SLC25A3: variants seen among roughly 807,000 people sequenced by gnomAD.
SLC25A3 encodes phosphate transport protein.
Under a neutral mutation model 37.1 loss-of-function variants are expected in SLC25A3, and 14 were observed. The observed-to-expected ratio is 0.38, with a 90% CI of 0.25 to 0.59. The LOEUF (loss-of-function observed/expected upper bound fraction) is 0.59, where lower values mean the gene tolerates loss of function less well. Ranked by LOEUF, SLC25A3 falls within the 20% of genes least tolerant of loss-of-function variation. SLC25A3 has a pLI of 0.67. For synonymous variants in SLC25A3, 161 were observed against 168.7 expected, an observed-to-expected ratio of 0.95 and a Z score of 0.36; for missense variants, 385 against 458.1, an observed-to-expected ratio of 0.84 and a Z score of 1.46.
Position 98,604,266 on chromosome 12 carries a change from ATATATATATATATAT to A in SLC25A3, c.*2739_*2753del, listed in dbSNP as rs2097600049. The A allele has an allele frequency of 2.5e-5, 2 of 79,722 alleles. No individual in the cohort carries two copies. The highest frequency in any genetic ancestry group is 5.6e-5 in the Non-Finnish European group (2 of 35,908). 4.9% of individuals were successfully genotyped at this position (79,722 alleles called of 1,614,324 possible). A position where few individuals can be genotyped will look rare whatever the true frequency, so the allele number is the denominator to read the frequency against. On this transcript the variant is annotated 3_prime_UTR_variant, in exon 8 of 8. Transcript: ENST00000552981. ...AAACTCTGTCTCAAAAAAAAAAAAT[ATATATATATATATAT>A]ATATATGAAGCTGATAGTTGAATTA...
intron 6 of SLC25A3, among the ~76,000 whole-genome samples, chr12:98,600,375 C>T (rs1413639039): frequency 6.6e-6 from 1 of 151,528 alleles, no homozygotes; most frequent in Non-Finnish European, 1.5e-5. Context: ...GTAGCTGGGA[C>T]GGGCATGCAC....
Position 98,601,859 on chromosome 12 carries a change from T to C in SLC25A3, c.*331T>C. The C allele has an allele frequency of 3.9e-6, 1 of 259,300 alleles. No homozygotes were observed. The highest frequency in any genetic ancestry group is 4.8e-5 in the South Asian group (1 of 20,670). 16.1% of individuals were successfully genotyped at this position (259,300 alleles called of 1,614,324 possible). A position where few individuals can be genotyped will look rare whatever the true frequency, so the allele number is the denominator to read the frequency against. On this transcript the variant is annotated 3_prime_UTR_variant, in exon 8 of 8. Transcript: ENST00000552981. ...TCCAGTTGCTATTCAGAAATTGTCA[T>C]ATGTCTCAAGTTTTATCACACAAAG...
At chr12:98,594,206 C>A in intron 2 of SLC25A3, 71 bp downstream of exon 2, 1 of 1,320,350 alleles carries the variant, frequency 7.6e-7, no homozygotes, top group Non-Finnish European at 1.1e-6. Flanking sequence ...AGGCCTGGAC[C>A]CGGCTTGGAG....
chr12:98,595,997 A>G, intron 3 of SLC25A3, 149 bp downstream of exon 3: 2 of 767,656 alleles, frequency 2.6e-6, no homozygotes, highest in Admixed American at 4.2e-5. Context: ...CTTTATTTTG[A>G]CTAGTGTTTT....
Position 98,601,483 on chromosome 12 carries a change from C to G in SLC25A3, c.1041C>G (p.Pro347=). The G allele has an allele frequency of 1.2e-6, 2 of 1,613,994 alleles. No homozygotes were observed. ...VYFRLPRPPP[P]EMPESLKKKL... ...TCAGACTTCCTCGCCCTCCTCCACC[C>G]GAGATGCCAGAGTCTCTGAAGAAGA... The change falls in exon 8 of 8, where the codon CCC becomes CCG. Residue 347 remains proline, a synonymous_variant. Coordinates refer to ENST00000552981, the MANE Select transcript of SLC25A3 (RefSeq NM_002635.4).
chr12:98,604,263 A>ATATATATATATATATATATATATATAT lies in SLC25A3; in HGVS notation c.*2735_*2736insTATATATATATATATATATATATATAT, dbSNP rs1555209327. 7.4e-6 allele frequency: 1 copy of ATATATATATATATATATATATATATAT among 134,570 alleles called. No homozygotes were observed. Among genetic ancestry groups the ATATATATATATATATATATATATATAT allele is most frequent in the African/African-American group, 2.9e-5 (1 of 34,886 alleles). 8.3% of individuals were successfully genotyped at this position (134,570 alleles called of 1,614,324 possible). On this transcript the variant is annotated 3_prime_UTR_variant, in exon 8 of 8. Coordinates refer to ENST00000552981, the MANE Select transcript of SLC25A3 (RefSeq NM_002635.4). ...GCGAAACTCTGTCTCAAAAAAAAAAAATATATATATATATATATATATATG... is the reference window on the plus strand; with the variant it reads ...GCGAAACTCTGTCTCAAAAAAAAAAATATATATATATATATATATATATATATATATATATATATATATATATATATG...
chr12:98,598,729 C>A, intron 5 of SLC25A3, 26 bp downstream of exon 5: 1 of 1,578,024 alleles, frequency 6.3e-7, no homozygotes, highest in Non-Finnish European at 8.7e-7. Context: ...AAAATTTATA[C>A]TATGAAAGTA....
chr12:98,599,693 ACTT>A (rs1268380208), intron 5 of SLC25A3: 1 of 634,940 alleles, frequency 1.6e-6, no homozygotes, highest in Non-Finnish European at 3.0e-6. Context: ...CCACTTGTAA[ACTT>A]CTTGTTTCTT....
At chr12:98,593,878 A>G in intron 1 of SLC25A3, 97 bp from the exon 2 acceptor site, 1 of 1,378,216 alleles carries the variant, frequency 7.3e-7, no homozygotes, top group Non-Finnish European at 1.0e-6. Flanking sequence ...AAGGGCGTGG[A>G]GACGGGAAGG....
chr12:98,594,965 G>A (rs1467257103), intron 2 of SLC25A3: 1 of 194,472 alleles, frequency 5.1e-6, no homozygotes, highest in East Asian at 1.3e-4. Flanking sequence ...CATTATTTGT[G>A]TATTAAATGT....
At chr12:98,598,193 G>A (rs2097594600) in intron 4 of SLC25A3, 158 bp downstream of exon 4, 2 of 708,876 alleles carry the variant, frequency 2.8e-6, no homozygotes, top group Non-Finnish European at 4.8e-6. Flanking sequence ...GCAGAGACAG[G>A]TTGATAAATG....
chr12:98,598,498 C>G, intron 4 of SLC25A3, 24 bp from the exon 5 acceptor site: 20 of 1,611,574 alleles, frequency 1.2e-5, no homozygotes, highest in Non-Finnish European at 1.7e-5. Context: ...AATTCACATC[C>G]CTTCCTTGTG....
rs1054460305 is a variant in SLC25A3 at position 98,605,064 on chromosome 12, A to G, written c.*3536A>G. The G allele has an allele frequency of 6.6e-6, 1 of 152,200 alleles. No homozygotes were observed. The highest frequency in any genetic ancestry group is 2.4e-5 in the African/African-American group (1 of 41,440). 9.4% of individuals were successfully genotyped at this position (152,200 alleles called of 1,614,324 possible). A position where few individuals can be genotyped will look rare whatever the true frequency, so the allele number is the denominator to read the frequency against. On this transcript the variant is annotated 3_prime_UTR_variant, in exon 8 of 8. Coordinates refer to ENST00000552981, the MANE Select transcript of SLC25A3 (RefSeq NM_002635.4). ...AGGGCTGAGCCACCACACTTGGCCA[A>G]CCATATTTTATTTTTTATATTTTTA...
Position 98,601,443 on chromosome 12 carries a change from C to G in SLC25A3, c.1001C>G (p.Ser334Cys). The G allele has an allele frequency of 6.2e-7, 1 of 1,613,976 alleles. No individual in the cohort carries two copies. Among genetic ancestry groups the G allele is most frequent in the Non-Finnish European group, 8.5e-7 (1 of 1,179,906 alleles). Residue 334 changes from serine to cysteine, a missense_variant, in exon 8 of 8, where the codon TCC becomes TGC. Physicochemically the swap from Ser to Cys is moderately radical, Grantham distance 112 (BLOSUM62 -1). Transcript: ENST00000552981. Reference protein sequence around the residue: ...LTALQWFIYDSVKVYFRLPRP... With the variant: ...LTALQWFIYDCVKVYFRLPRP... ...GCACTACAGTGGTTTATCTATGACTCCGTGAAGGTCTACTTCAGACTTCCT... is the reference window on the plus strand; with the variant it reads ...GCACTACAGTGGTTTATCTATGACTGCGTGAAGGTCTACTTCAGACTTCCT...
In SLC25A3 at chr12:98,601,868, A is replaced by G; in HGVS notation, c.*340A>G. 1 of 247,306 alleles carries G rather than the reference A, an allele frequency of 4.0e-6. No individual in the cohort carries two copies. Among genetic ancestry groups the G allele is most frequent in the South Asian group, 5.2e-5 (1 of 19,150 alleles). 15.3% of individuals were successfully genotyped at this position (247,306 alleles called of 1,614,324 possible). The stretch of plus-strand genomic sequence containing the variant: ...TATTCAGAAATTGTCATATGTCTCA[A>G]GTTTTATCACACAAAGTTCCTGTAT... On this transcript the variant is annotated 3_prime_UTR_variant, in exon 8 of 8. Transcript: ENST00000552981.
intron 5 of SLC25A3, 57 bp from the exon 6 acceptor site, chr12:98,599,898 C>T (rs1467557354): frequency 3.1e-6 from 5 of 1,591,192 alleles, no homozygotes; most frequent in South Asian, 2.2e-5. Context: ...TTAATAATGA[C>T]AGTCTCTGAT....
rs762115323 is a variant in SLC25A3 at position 98,595,467 on chromosome 12, C to G, written c.158-260C>G. 4.3e-6 allele frequency: 7 copies of G among 1,613,190 alleles called. No homozygotes were observed. Among genetic ancestry groups the G allele is most frequent in the Non-Finnish European group, 5.9e-6 (7 of 1,179,400 alleles). ...GCTGTGACTATGGATCTGGCAGATT[C>G]TTTATCCTTTGTGGACTTGGAGGAA... On this transcript the variant is annotated intron_variant, in intron 2 of 7. Coordinates refer to ENST00000552981, the MANE Select transcript of SLC25A3 (RefSeq NM_002635.4).
At position 98,602,940 on chromosome 12, in the gene SLC25A3, TG is replaced by T. The variant is rs1381012036; in HGVS notation, c.*1413del. ...TTAGAAGCCAGTGCAGCTAGTTGCA[TG>T]TTAACTTCTTTATATCATCATTGCC... On this transcript the variant is annotated 3_prime_UTR_variant, in exon 8 of 8. Coordinates refer to ENST00000552981, the MANE Select transcript of SLC25A3 (RefSeq NM_002635.4). 6.6e-6 allele frequency: 1 copy of T among 152,226 alleles called. No homozygotes were observed. The highest frequency in any genetic ancestry group is 1.5e-5 in the Non-Finnish European group (1 of 68,040). The allele number at this position is 152,226 out of a possible 1,614,324, so 9.4% of individuals were successfully genotyped here.
chr12:98,594,153 C>G lies in SLC25A3; in HGVS notation c.157+18C>G, dbSNP rs888902564. ...CGTGGAAGGTGAGATCAGACCCTGC[C>G]CAATACAGTCGTGTGGTCTACTTGT... On this transcript the variant is annotated intron_variant, in intron 2 of 7. Coordinates refer to ENST00000552981, the MANE Select transcript of SLC25A3 (RefSeq NM_002635.4). 1 of 1,593,278 alleles carries G rather than the reference C, an allele frequency of 6.3e-7. No homozygotes were observed. The highest frequency in any genetic ancestry group is 1.3e-5 in the African/African-American group (1 of 74,552).
Sources: gnomAD v4.1 joint callset for allele counts (sites outside exome capture counted in the v4.1 genomes callset) on GRCh38, gnomAD v4.1.1 for gene constraint, MANE v1.5 for transcripts, NCBI Gene and HGNC (gene_info 2026-07-23, HGNC 2026-07-21) for gene names.